The following STK10 variants were observed in gnomAD, a reference collection of about 807,000 sequenced individuals.
STK10 encodes serine/threonine-protein kinase 10.
In STK10, 78 loss-of-function variants were observed where a neutral mutation model predicts 113.8. The ratio of observed to expected loss-of-function variants is 0.69; its 90% CI spans 0.57 to 0.83. The LOEUF is 0.83. Ranked by LOEUF, STK10 falls within the 40% of genes least tolerant of loss-of-function variation. The probability of loss-of-function intolerance (pLI) is 0.00; values close to 1 mark genes in which losing one functional copy is unlikely to be tolerated. For synonymous variants in STK10, 465 were observed against 494.7 expected, an observed-to-expected ratio of 0.94 and a Z score of 0.80; for missense variants, 1,109 against 1,280.1, an observed-to-expected ratio of 0.87 and a Z score of 2.04.
chr5:172,136,672 C>A (rs1358496326), intron 2 of STK10, among the ~76,000 whole-genome samples: 2 of 151,836 alleles, frequency 1.3e-5, no homozygotes, highest in Non-Finnish European at 2.9e-5. Context: ...CATGGCATTC[C>A]AAAAAATAAG....
intron 1 of STK10, among the ~76,000 whole-genome samples, chr5:172,173,367 G>A (rs1209258360): frequency 6.6e-6 from 1 of 152,222 alleles, no homozygotes. Flanking sequence ...TGACAATGCT[G>A]GCTCTGACAG....
At chr5:172,054,742 GT>G in intron 16 of STK10, 48 bp from the exon 17 acceptor site, 1 of 1,601,362 alleles carries the variant, frequency 6.2e-7, no homozygotes, top group Non-Finnish European at 8.5e-7. Context: ...GGCCTGGCTG[GT>G]TGGGTAGGGA....
intron 8 of STK10, among the ~76,000 whole-genome samples, chr5:172,096,186 CTAGATCTCTGGTATCTCCTGAAA>C: frequency 6.6e-6 from 1 of 152,358 alleles, no homozygotes; most frequent in African/African-American, 2.4e-5. Context: ...ATGTGAAAAT[CTAGATCTCTGGTATCTCCTGAAA>C]ACTCACAGGA....
At chr5:172,148,915 G>C (rs1770146683) in intron 2 of STK10, among the ~76,000 whole-genome samples, 1 of 152,252 alleles carries the variant, frequency 6.6e-6, no homozygotes, top group South Asian at 2.1e-4. Flanking sequence ...GCCAGGCGTG[G>C]TGGCTCACGC....
chr5:172,114,449 TTATATATA>T lies in STK10; in HGVS notation c.520+3024_520+3031del, dbSNP rs1174071621. 1.8e-3 allele frequency: 69 copies of T among 38,240 alleles called. 1 individual carries two copies. Among genetic ancestry groups the T allele is most frequent in the African/African-American group, 6.5e-3 (60 of 9,180 alleles). 2.4% of individuals were successfully genotyped at this position (38,240 alleles called of 1,614,324 possible). ...AGCTCCAAATTTATGTATATTAAAA[TTATATATA>T]TATATATATATATATATTTTTTTTT... is the stretch of plus-strand genomic sequence containing the variant. On this transcript the variant is annotated intron_variant, in intron 4 of 18. Transcript: ENST00000176763.
chr5:172,085,761 A>C (rs1213815033), intron 10 of STK10, among the ~76,000 whole-genome samples: 2 of 151,792 alleles, frequency 1.3e-5, no homozygotes, highest in East Asian at 1.9e-4. Flanking sequence ...AAACCAAACT[A>C]CTACAGAAAG....
chr5:172,178,988 C>T (rs1407100326), intron 1 of STK10, among the ~76,000 whole-genome samples: 4 of 152,178 alleles, frequency 2.6e-5, no homozygotes, highest in Non-Finnish European at 4.4e-5. Flanking sequence ...TAACAAAGAA[C>T]GACCCCACCC....
chr5:172,054,980 C>A (rs967148671), intron 16 of STK10, among the ~76,000 whole-genome samples: 1 of 152,016 alleles, frequency 6.6e-6, no homozygotes, highest in Non-Finnish European at 1.5e-5. Context: ...CCCGTGTGCC[C>A]GAGCCACAAG....
At chr5:172,167,095 G>A (rs1482806891) in intron 1 of STK10, among the ~76,000 whole-genome samples, 1 of 151,894 alleles carries the variant, frequency 6.6e-6, no homozygotes, top group Non-Finnish European at 1.5e-5. Flanking sequence ...GGGAGGCAGA[G>A]GTTGTGGTGA....
chr5:172,123,693 C>T lies in STK10; in HGVS notation c.370+3680G>A, dbSNP rs185955782. ...ATGCTACAGCCAATGAGACATAAAT[C>T]AAGGTGCCATGTGGAGCTTTTCTGA... On this transcript the variant is annotated intron_variant, in intron 3 of 18. Coordinates refer to ENST00000176763, the MANE Select transcript of STK10 (RefSeq NM_005990.4). Among the ~76,000 whole-genome samples the T allele has an allele frequency of 2.0e-5, 3 of 152,240 alleles. No individual in the cohort carries two copies. The East Asian group carries it at 5.8e-4, about 29-fold the overall frequency.
rs983363413 is a variant in STK10 at position 172,188,182 on chromosome 5, C to T, written c.-140G>A. The T allele has an allele frequency of 2.9e-6, 4 of 1,402,000 alleles. No homozygotes were observed. The highest frequency in any genetic ancestry group is 5.3e-5 in the Admixed American group (2 of 37,850). The allele number at this position is 1,402,000 out of a possible 1,614,324, so 86.8% of individuals were successfully genotyped here. Reference sequence around the variant, plus strand: ...CCCAGACCCGCCTTTCCCCGCAGCCCGACCTCGGTCAAGTGTGCCCTGGGC... The same window carrying T: ...CCCAGACCCGCCTTTCCCCGCAGCCTGACCTCGGTCAAGTGTGCCCTGGGC... On this transcript the variant is annotated 5_prime_UTR_variant, in exon 1 of 19. Transcript: ENST00000176763. This position sits in a 1 kb window ranked among gnomAD's most constrained non-coding sequence, Gnocchi z 5.6.
chr5:172,055,909 C>A, intron 15 of STK10, 133 bp from the exon 16 acceptor site: 1 of 662,692 alleles, frequency 1.5e-6, no homozygotes, highest in East Asian at 3.3e-5. Context: ...CAGATCAAGG[C>A]TGGTGTTATT....
At chr5:172,087,625 T>TTATTTTTA (rs1445995295) in intron 10 of STK10, among the ~76,000 whole-genome samples, 2 of 93,242 alleles carry the variant, frequency 2.1e-5, no homozygotes, top group African/African-American at 1.2e-4. Context: ...ACTTATTTAT[T>TTATTTTTA]TTTTTTTTTT....
At chr5:172,158,396 G>A (rs1188589530) in intron 1 of STK10, among the ~76,000 whole-genome samples, 1 of 152,182 alleles carries the variant, frequency 6.6e-6, no homozygotes, top group Non-Finnish European at 1.5e-5. Flanking sequence ...GGGAGGCGGA[G>A]GCAGGCAGAT....
intron 1 of STK10, among the ~76,000 whole-genome samples, chr5:172,177,373 T>C (rs923153238): frequency 6.6e-6 from 1 of 152,190 alleles, no homozygotes. Flanking sequence ...ATCCAGCCTA[T>C]GGTATTTTGT....
At chr5:172,121,818 G>T (rs1163416019) in intron 3 of STK10, among the ~76,000 whole-genome samples, 4 of 151,672 alleles carry the variant, frequency 2.6e-5, no homozygotes, top group African/African-American at 9.7e-5. Context: ...CTCCTACCTT[G>T]GTTTCCCAAA....
chr5:172,171,693 C>A (rs997252077), intron 1 of STK10, among the ~76,000 whole-genome samples: 3 of 107,942 alleles, frequency 2.8e-5, no homozygotes, highest in Admixed American at 2.8e-4. Flanking sequence ...CCAACCTGAG[C>A]GACAGAGTGA....
chr5:172,132,348 T>C (rs1038885264), intron 2 of STK10, among the ~76,000 whole-genome samples: 1 of 139,666 alleles, frequency 7.2e-6, no homozygotes, highest in Non-Finnish European at 1.6e-5. Context: ...TTTTTTAATT[T>C]TTTTAATTCA....
At chr5:172,186,314 G>A (rs908452030) in intron 1 of STK10, among the ~76,000 whole-genome samples, 1 of 151,014 alleles carries the variant, frequency 6.6e-6, no homozygotes, top group Non-Finnish European at 1.5e-5. Context: ...GAGTGGGCCT[G>A]GTTGGTCTCA....
Sources: gnomAD v4.1 joint callset for allele counts (sites outside exome capture counted in the v4.1 genomes callset) on GRCh38, gnomAD v4.1.1 for gene constraint, Gnocchi (gnomAD v3.1) non-coding constraint, MANE v1.5 for transcripts, NCBI Gene and HGNC (gene_info 2026-07-23, HGNC 2026-07-21) for gene names.